NAALADL2: variants seen among roughly 807,000 people sequenced by gnomAD.
NAALADL2 encodes inactive N-acetylated-alpha-linked acidic dipeptidase-like protein 2.
In NAALADL2, 76 loss-of-function variants were observed where a neutral mutation model predicts 87.2. The observed-to-expected ratio is 0.87, with a 90% CI of 0.72 to 1.05. The LOEUF (loss-of-function observed/expected upper bound fraction) is 1.05. NAALADL2 is among the 50% of genes least tolerant of loss of function. NAALADL2 has a pLI of 0.00. For synonymous variants in NAALADL2, 354 were observed against 331.0 expected (o/e 1.07, Z -0.75); for missense variants, 1,089 against 945.8 (o/e 1.15, Z -1.99).
intron 10 of NAALADL2, among the ~76,000 whole-genome samples, chr3:175,624,416 T>G (rs1456512889): frequency 6.6e-6 from 1 of 152,060 alleles, no homozygotes; most frequent in East Asian, 1.9e-4. Context: ...TATTTAATAT[T>G]TATTAAGAAA....
At chr3:174,872,850 A>G (rs1728010637) in intron 1 of NAALADL2, among the ~76,000 whole-genome samples, 1 of 152,180 alleles carries the variant, frequency 6.6e-6, no homozygotes, top group African/African-American at 2.4e-5. Flanking sequence ...TCTCTTTAAT[A>G]CTGTGATGCC....
Position 174,862,900 on chromosome 3 carries a change from G to T in NAALADL2, c.43+3450G>T, listed in dbSNP as rs561168326. On this transcript the variant is annotated intron_variant, in intron 1 of 13. Coordinates refer to ENST00000454872, the MANE Select transcript of NAALADL2 (RefSeq NM_207015.3). ...TCTAGCTCTAGGAAATCCCTACTCT[G>T]AAGGCTACAAAACAGTAGAACTCTG... Among the ~76,000 whole-genome samples, 287 of 152,120 alleles carry T rather than the reference G, an allele frequency of 1.9e-3. 1 individual carries two copies. The highest frequency in any genetic ancestry group is 6.8e-3 in the Middle Eastern group (2 of 294).
chr3:174,924,368 A>G (rs1275056975), intron 1 of NAALADL2, among the ~76,000 whole-genome samples: 2 of 151,888 alleles, frequency 1.3e-5, no homozygotes, highest in East Asian at 1.9e-4. Context: ...AGCTTCATAC[A>G]TGTCCCTACA....
intron 2 of NAALADL2, among the ~76,000 whole-genome samples, chr3:174,642,592 T>A (rs960656347): frequency 9.9e-5 from 15 of 151,300 alleles, no homozygotes; most frequent in Non-Finnish European, 4.4e-5. Flanking sequence ...ACCTGCACAG[T>A]GTACACTACT....
At chr3:174,966,919 T>C (rs969686924) in intron 1 of NAALADL2, among the ~76,000 whole-genome samples, 3 of 151,866 alleles carry the variant, frequency 2.0e-5, no homozygotes, top group African/African-American at 7.3e-5. Context: ...GAAAGGAAAA[T>C]AAGTGACATA....
At chr3:175,054,805 C>A (rs147794787) in intron 1 of NAALADL2, among the ~76,000 whole-genome samples, 16,824 of 152,078 alleles carry the variant, frequency 0.11, 1,040 homozygotes, top group East Asian at 0.21. Context: ...TTTCATGCAT[C>A]ATATGTTGAC....
chr3:175,289,699 G>T (rs150610696), intron 4 of NAALADL2, among the ~76,000 whole-genome samples: 1 of 151,980 alleles, frequency 6.6e-6, no homozygotes, highest in Non-Finnish European at 1.5e-5. Flanking sequence ...TGATTGCTGC[G>T]CCTGTAGTCC....
chr3:174,812,819 A>C (rs909908106), intron 3 of NAALADL2, among the ~76,000 whole-genome samples: 4 of 152,072 alleles, frequency 2.6e-5, no homozygotes, highest in African/African-American at 9.7e-5. Flanking sequence ...AAAATTTTAA[A>C]AATAGAAATA....
intron 2 of NAALADL2, among the ~76,000 whole-genome samples, chr3:174,595,743 G>T (rs1241848149): frequency 6.6e-6 from 1 of 152,202 alleles, no homozygotes; most frequent in Non-Finnish European, 1.5e-5. Context: ...GGGTGCGGTG[G>T]CTCATGCCTG....
At chr3:174,513,409 A>G (rs568735900) in intron 1 of NAALADL2, 3 of 152,290 alleles carry the variant, frequency 2.0e-5, no homozygotes, top group African/African-American at 7.2e-5. Context: ...ATTTTTAATG[A>G]ATATCAATAT....
chr3:174,787,601 A>ATG (rs1560225708), intron 3 of NAALADL2, among the ~76,000 whole-genome samples: 1 of 91,208 alleles, frequency 1.1e-5, no homozygotes. Flanking sequence ...ATATATATAT[A>ATG]TATATATATA....
chr3:175,327,927 A>ATGGCTG (rs1760938466), intron 5 of NAALADL2, among the ~76,000 whole-genome samples: 2 of 152,220 alleles, frequency 1.3e-5, no homozygotes, highest in South Asian at 4.1e-4. Context: ...ATAGATGGTG[A>ATGGCTG]TGGCTGAAGC....
chr3:175,459,223 T>G, intron 6 of NAALADL2, among the ~76,000 whole-genome samples: 1 of 151,964 alleles, frequency 6.6e-6, no homozygotes, highest in East Asian at 1.9e-4. Context: ...GAGAATAAAA[T>G]ATGTTAGCAA....
chr3:175,475,046 C>T (rs1027189571), intron 9 of NAALADL2, among the ~76,000 whole-genome samples: 1 of 151,376 alleles, frequency 6.6e-6, no homozygotes, highest in African/African-American at 2.4e-5. Context: ...CACACACACA[C>T]ACTTAGTATT....
chr3:174,607,204 G>T (rs1453359203), intron 2 of NAALADL2, among the ~76,000 whole-genome samples: 1 of 152,000 alleles, frequency 6.6e-6, no homozygotes, highest in Non-Finnish European at 1.5e-5. Flanking sequence ...ACCAGCCGCT[G>T]CAAAATCATG....
intron 1 of NAALADL2, among the ~76,000 whole-genome samples, chr3:174,925,263 G>A (rs542563476): frequency 4.6e-5 from 7 of 152,230 alleles, no homozygotes; most frequent in African/African-American, 1.7e-4. Context: ...TGTAAGGAAG[G>A]GATCCAGTTT....
intron 1 of NAALADL2, among the ~76,000 whole-genome samples, chr3:174,525,060 G>T (rs936288263): frequency 1.3e-5 from 2 of 152,278 alleles, no homozygotes; most frequent in South Asian, 4.1e-4. Flanking sequence ...GTGTACAGTC[G>T]TCTGTACAGT....
intron 13 of NAALADL2, among the ~76,000 whole-genome samples, chr3:175,763,535 T>C (rs948800773): frequency 6.6e-6 from 1 of 151,632 alleles, no homozygotes; most frequent in East Asian, 1.9e-4. Flanking sequence ...TATTGTCCTC[T>C]CTTTTATTTA....
chr3:174,477,956 G>T (rs769815690), intron 1 of NAALADL2, among the ~76,000 whole-genome samples: 106 of 152,286 alleles, frequency 7.0e-4, no homozygotes, highest in Non-Finnish European at 2.2e-4. Flanking sequence ...ATGGAGAAAA[G>T]TCATTGGTTG....
Sources: gnomAD v4.1 joint callset for allele counts (sites outside exome capture counted in the v4.1 genomes callset) on GRCh38, gnomAD v4.1.1 for gene constraint, MANE v1.5 for transcripts, NCBI Gene and HGNC (gene_info 2026-07-23, HGNC 2026-07-21) for gene names.